The following HEPH variants were observed in gnomAD, a reference collection of about 807,000 sequenced individuals.
HEPH encodes hephaestin.
Under a neutral mutation model 80.8 loss-of-function variants are expected in HEPH, and 69 were observed. That is an observed-to-expected ratio of 0.85 (90% CI 0.70 to 1.04). HEPH has a LOEUF of 1.04. Ranked by LOEUF, HEPH falls within the 50% of genes least tolerant of loss-of-function variation. The probability of loss-of-function intolerance (pLI) is 0.00; values close to 1 mark genes in which losing one functional copy is unlikely to be tolerated. For missense variants in HEPH, 1,115 were observed against 891.3 expected, an observed-to-expected ratio of 1.25 and a Z score of -3.20; for synonymous variants, 431 against 322.8, an observed-to-expected ratio of 1.34 and a Z score of -3.60.
In HEPH at chrX:66,193,508, A is replaced by G. The variant is rs1233469570; in HGVS notation, c.1239A>G (p.Ser413=). 2.5e-6 allele frequency: 3 copies of G among 1,178,985 alleles called. No individual in the cohort carries two copies. The highest frequency in any genetic ancestry group is 3.4e-6 in the Non-Finnish European group (3 of 874,470). Residue 413 remains serine (S), a synonymous_variant, in exon 8 of 21, where the codon TCA becomes TCG. Transcript: ENST00000343002. Reference sequence around the variant, plus strand: ...TTTCCTTTTTATACATCAGTATCTCAGATAAGTTTTTCCAGAAGAGCTCCA... The same window carrying G: ...TTTCCTTTTTATACATCAGTATCTCGGATAAGTTTTTCCAGAAGAGCTCCA... The part of the protein sequence containing the change: ...GKNLREPGSI[S]DKFFQKSSSR...
intron 14 of HEPH, 69 bp downstream of exon 14, chrX:66,207,403 C>T: frequency 2.4e-6 from 2 of 835,885 alleles, no homozygotes; most frequent in Non-Finnish European, 3.2e-6. Context: ...TATGTTATAC[C>T]AGGATGGCCT....
chrX:66,247,082 T>C (rs2090840001), intron 15 of HEPH, among the ~76,000 whole-genome samples: 1 of 111,705 alleles, frequency 9.0e-6, no homozygotes, highest in Admixed American at 9.6e-5. Context: ...CAAATCTTGT[T>C]TTGCATCTTT....
At chrX:66,263,826 C>T (rs1235394869) in intron 20 of HEPH, 138 bp downstream of exon 20, 13 of 585,263 alleles carry the variant, frequency 2.2e-5, no homozygotes, top group Non-Finnish European at 3.5e-5. Context: ...GAGACTTCTG[C>T]AAGACTTCAG....
chrX:66,263,981 T>C (rs1280164816), intron 20 of HEPH, among the ~76,000 whole-genome samples: 1 of 110,489 alleles, frequency 9.1e-6, no homozygotes, highest in Non-Finnish European at 1.9e-5. Flanking sequence ...AGGGGGGAAG[T>C]AAATTCTAGA....
intron 15 of HEPH, among the ~76,000 whole-genome samples, chrX:66,246,178 T>G (rs927109762): frequency 4.5e-5 from 5 of 111,991 alleles, no homozygotes; most frequent in African/African-American, 1.6e-4. Flanking sequence ...GTTGTCTGGG[T>G]GTTTCCTGGG....
intron 15 of HEPH, among the ~76,000 whole-genome samples, chrX:66,237,042 T>G (rs1293266836): frequency 1.8e-5 from 2 of 111,539 alleles, no homozygotes; most frequent in Non-Finnish European, 3.8e-5. Context: ...GAAGTCTATT[T>G]TATTAGTTAC....
chrX:66,163,026 G>T (rs2086241143), upstream of HEPH: 3 of 483,458 alleles, frequency 6.2e-6, no homozygotes, highest in Non-Finnish European at 6.7e-6. Context: ...CCTATACTTT[G>T]TGTCTTTGAA....
intron 13 of HEPH, 68 bp downstream of exon 13, chrX:66,203,645 C>A: frequency 2.1e-6 from 2 of 962,404 alleles, no homozygotes; most frequent in South Asian, 4.5e-5. Context: ...TACTGAAATT[C>A]TGAGATGAGG....
intron 15 of HEPH, among the ~76,000 whole-genome samples, chrX:66,233,413 A>T (rs1269441619): frequency 9.0e-6 from 1 of 111,275 alleles, no homozygotes; most frequent in East Asian, 2.8e-4. Context: ...GTCTGTGAGG[A>T]GGCTTTGTAG....
At chrX:66,234,803 T>A (rs1041219075) in intron 15 of HEPH, among the ~76,000 whole-genome samples, 17 of 110,372 alleles carry the variant, frequency 1.5e-4, no homozygotes, top group African/African-American at 5.6e-4. Flanking sequence ...CACCTGGCTA[T>A]CTTTTTTGTT....
At chrX:66,201,277 G>A (rs1485372908) in intron 12 of HEPH, among the ~76,000 whole-genome samples, 1 of 109,958 alleles carries the variant, frequency 9.1e-6, no homozygotes, top group African/African-American at 3.3e-5. Context: ...AACAATTTCA[G>A]CCTGGAAATC....
At chrX:66,242,713 C>A (rs758643442) in intron 15 of HEPH, among the ~76,000 whole-genome samples, 1 of 111,913 alleles carries the variant, frequency 8.9e-6, no homozygotes, top group South Asian at 3.7e-4. Context: ...ACAGATACTT[C>A]TTGAAGACAT....
Position 66,256,200 on chromosome X carries a change from ATTG to A in HEPH, c.2772_2774del (p.Leu924del). The A allele has an allele frequency of 3.3e-6, 4 of 1,211,156 alleles. No homozygotes were observed. Among genetic ancestry groups the A allele is most frequent in the African/African-American group, 1.7e-5 (1 of 57,790 alleles). On this transcript the variant is annotated inframe_deletion, in exon 17 of 21. Coordinates refer to ENST00000343002, the MANE Select transcript of HEPH (RefSeq NM_001367233.3). ...GGAGTGACATGGATCGGGAATTTGC[ATTG>A]TTGTTCTTGATTTTTGATGAAAATA...
chrX:66,266,826 T>C lies in HEPH; in HGVS notation c.*154T>C. The C allele has an allele frequency of 4.6e-6, 2 of 435,117 alleles. No individual in the cohort carries two copies. The highest frequency in any genetic ancestry group is 4.0e-6 in the Non-Finnish European group (1 of 251,309). 35.9% of individuals were successfully genotyped at this position (435,117 alleles called of 1,213,427 possible). A position where few individuals can be genotyped will look rare whatever the true frequency, so the allele number is the denominator to read the frequency against. ...ATCTGGATATTTCTTTCTTTATTTA[T>C]TTTACATGGAAATAATATGATTTCA... is the stretch of plus-strand genomic sequence containing the variant. On this transcript the variant is annotated 3_prime_UTR_variant, in exon 21 of 21. Transcript: ENST00000343002.
rs1329977759 is a variant in HEPH, at chrX:66,164,372, AG to A, written c.-111del. 1.3e-6 allele frequency: 1 copy of A among 752,426 alleles called. No individual in the cohort carries two copies. Among genetic ancestry groups the A allele is most frequent in the Non-Finnish European group, 1.6e-6 (1 of 638,923 alleles). 62.0% of individuals were successfully genotyped at this position (752,426 alleles called of 1,213,427 possible). On this transcript the variant is annotated 5_prime_UTR_variant, in exon 1 of 21. Transcript: ENST00000343002. The stretch of plus-strand genomic sequence containing the variant: ...ATTTAGGAGAAAGGCCCTGTAACCA[AG>A]ATACTGACTGAACATGGCTGGCGGA...
At chrX:66,219,979 CT>C (rs2089569874) in intron 15 of HEPH, among the ~76,000 whole-genome samples, 1 of 111,692 alleles carries the variant, frequency 9.0e-6, no homozygotes, top group Non-Finnish European at 1.9e-5. Flanking sequence ...TGTAGTATTA[CT>C]ATACAGTTTT....
At chrX:66,207,515 C>A (rs754666005) in intron 14 of HEPH, among the ~76,000 whole-genome samples, 181 bp downstream of exon 14, 1 of 109,935 alleles carries the variant, frequency 9.1e-6, no homozygotes, top group Non-Finnish European at 1.9e-5. Flanking sequence ...GGAAGGAAAT[C>A]ATGAATTCAT....
chrX:66,228,698 T>C (rs2089993825), intron 15 of HEPH, among the ~76,000 whole-genome samples: 3 of 111,082 alleles, frequency 2.7e-5, no homozygotes, highest in Admixed American at 1.9e-4. Flanking sequence ...AAAAATCCCA[T>C]CAAAATGTGG....
In HEPH at chrX:66,260,180, T is replaced by C; in HGVS notation, c.3117T>C (p.Pro1039=). The change falls in exon 19 of 21, where the codon CCT becomes CCC. Residue 1039 remains proline, a synonymous_variant. Transcript: ENST00000343002. The part of the protein sequence containing the change: ...FEVVEMVASN[P]GTWLMHCHVT... The stretch of plus-strand genomic sequence containing the variant: ...TTGTGGAGATGGTGGCCAGCAACCC[T>C]GGGACATGGCTGATGCACTGCCATG... 8.3e-7 allele frequency: 1 copy of C among 1,207,481 alleles called. No individual in the cohort carries two copies. The highest frequency in any genetic ancestry group is 1.1e-6 in the Non-Finnish European group (1 of 891,795).
Sources: allele counts gnomAD v4.1 joint callset (sites outside exome capture counted in the v4.1 genomes callset), GRCh38; gene constraint gnomAD v4.1.1; transcripts MANE v1.5; gene names NCBI Gene and HGNC (gene_info 2026-07-23, HGNC 2026-07-21).